The following SKAP2 variants were observed in gnomAD, a reference collection of about 807,000 sequenced individuals.
SKAP2 encodes src kinase associated phosphoprotein 2, also known as src kinase-associated phosphoprotein 2.
In SKAP2, 28 loss-of-function variants were observed where a neutral mutation model predicts 54.9. The observed-to-expected ratio is 0.51, with a 90% confidence interval of 0.38 to 0.70. The LOEUF is 0.70. Ranked by LOEUF, SKAP2 falls within the 30% of genes least tolerant of loss-of-function variation. The pLI is 0.00. For synonymous variants in SKAP2, 137 were observed against 134.3 expected (o/e 1.02, Z -0.14); for missense variants, 356 against 424.1 (o/e 0.84, Z 1.41).
chr7:26,812,869 G>T (rs537784364), intron 4 of SKAP2, among the ~76,000 whole-genome samples: 4 of 151,264 alleles, frequency 2.6e-5, no homozygotes, highest in Admixed American at 2.0e-4. Flanking sequence ...TTTTTTTCCG[G>T]TCCTGGTTTC....
In SKAP2 at chr7:26,762,714, T is replaced by C. The variant is rs190762260; in HGVS notation, c.308-22750A>G. Among the ~76,000 whole-genome samples the C allele has an allele frequency of 4.6e-3, 707 of 152,246 alleles. 4 individuals are homozygous for C. The highest frequency in any genetic ancestry group is 0.01 in the Admixed American group (156 of 15,282). On this transcript the variant is annotated intron_variant, in intron 4 of 12. Coordinates refer to ENST00000345317, the MANE Select transcript of SKAP2 (RefSeq NM_003930.5). Reference sequence around the variant, plus strand: ...AAAATTGATGCCCATAAACAGCTTATGTTTTTCAATACAACTAAAATAATT... The same window carrying C: ...AAAATTGATGCCCATAAACAGCTTACGTTTTTCAATACAACTAAAATAATT...
At chr7:26,741,841 T>G (rs1782462899) in intron 4 of SKAP2, among the ~76,000 whole-genome samples, 1 of 151,626 alleles carries the variant, frequency 6.6e-6, no homozygotes, top group African/African-American at 2.4e-5. Flanking sequence ...TTTAATACCA[T>G]GGGGATCACA....
chr7:26,685,088 TA>T (rs1786600973), intron 10 of SKAP2, among the ~76,000 whole-genome samples: 1 of 152,200 alleles, frequency 6.6e-6, no homozygotes, highest in Non-Finnish European at 1.5e-5. Flanking sequence ...GCCTTTCATC[TA>T]AAATCTGTAA....
chr7:26,689,516 A>C (rs1786732382), intron 10 of SKAP2, among the ~76,000 whole-genome samples: 4 of 152,138 alleles, frequency 2.6e-5, no homozygotes. Flanking sequence ...CTCATTCATA[A>C]TTAGTACTTG....
At chr7:26,807,892 G>A (rs1784062289) in intron 4 of SKAP2, among the ~76,000 whole-genome samples, 1 of 152,008 alleles carries the variant, frequency 6.6e-6, no homozygotes, top group African/African-American at 2.4e-5. Context: ...TAGCAATAAA[G>A]TATTTTTAAA....
intron 9 of SKAP2, among the ~76,000 whole-genome samples, chr7:26,701,230 A>G (rs1440583722): frequency 6.6e-6 from 1 of 152,168 alleles, no homozygotes; most frequent in Non-Finnish European, 1.5e-5. Context: ...TACCAATCTT[A>G]TTACTTGGAG....
intron 4 of SKAP2, among the ~76,000 whole-genome samples, chr7:26,765,869 T>C (rs1783040390): frequency 6.6e-6 from 1 of 152,194 alleles, no homozygotes; most frequent in South Asian, 2.1e-4. Flanking sequence ...TGGGTTACCA[T>C]AGCCTTGTAG....
chr7:26,811,470 A>G (rs1452515605), intron 4 of SKAP2, among the ~76,000 whole-genome samples: 1 of 152,158 alleles, frequency 6.6e-6, no homozygotes. Flanking sequence ...CTCTTTACCT[A>G]GTAGAAAAGC....
At chr7:26,745,926 T>C (rs1286501304) in intron 4 of SKAP2, among the ~76,000 whole-genome samples, 1 of 152,230 alleles carries the variant, frequency 6.6e-6, no homozygotes, top group East Asian at 1.9e-4. Context: ...ATGAAGGTGA[T>C]ACTCTCACCT....
chr7:26,843,896 G>T, intron 4 of SKAP2, 134 bp downstream of exon 4: 1 of 582,134 alleles, frequency 1.7e-6, no homozygotes, highest in Non-Finnish European at 3.1e-6. Context: ...GAGCTCTTCT[G>T]TTCCTTAAAA....
chr7:26,665,590 T>C (rs568448468), downstream of SKAP2, among the ~76,000 whole-genome samples: 2 of 152,278 alleles, frequency 1.3e-5, no homozygotes, highest in East Asian at 1.9e-4. Context: ...TATGTTTGTG[T>C]ATAAGTAATG....
chr7:26,817,011 T>A lies in SKAP2; in HGVS notation c.307+27019A>T, dbSNP rs1784278540. On this transcript the variant is annotated intron_variant, in intron 4 of 12. Coordinates refer to ENST00000345317, the MANE Select transcript of SKAP2 (RefSeq NM_003930.5). ...GGATATGCTTTACCTAAACCACACC[T>A]AACTCACTTTTCCTCATCAAACAAA... is the stretch of plus-strand genomic sequence containing the variant. 3.9e-5 allele frequency among the ~76,000 whole-genome samples: 6 copies of A among 152,212 alleles called. No individual in the cohort carries two copies. In the South Asian group the frequency reaches 1.2e-3, roughly 32 times the overall value.
chr7:26,812,901 T>G (rs1174964243), intron 4 of SKAP2, among the ~76,000 whole-genome samples: 1 of 151,920 alleles, frequency 6.6e-6, no homozygotes, highest in African/African-American at 2.4e-5. Flanking sequence ...AAACTCAAAC[T>G]GTCCTCCCCA....
intron 11 of SKAP2, among the ~76,000 whole-genome samples, chr7:26,678,154 T>TTA (rs1786397861): frequency 6.6e-6 from 1 of 152,154 alleles, no homozygotes; most frequent in Admixed American, 6.5e-5. Context: ...CTTCACAGGG[T>TTA]TATTATATTA....
chr7:26,688,009 A>G (rs182340128), intron 10 of SKAP2, among the ~76,000 whole-genome samples: 137 of 152,266 alleles, frequency 9.0e-4, no homozygotes, highest in Admixed American at 3.5e-3. Flanking sequence ...GAAAAAAATT[A>G]ATTAGCCAGC....
chr7:26,722,840 T>C (rs1315379532), intron 9 of SKAP2, among the ~76,000 whole-genome samples: 1 of 152,218 alleles, frequency 6.6e-6, no homozygotes, highest in Non-Finnish European at 1.5e-5. Flanking sequence ...AGCTTTGTGA[T>C]TTAAAGTAGC....
At chr7:26,849,629 G>T (rs574361558) in intron 3 of SKAP2, among the ~76,000 whole-genome samples, 1 of 148,572 alleles carries the variant, frequency 6.7e-6, no homozygotes, top group East Asian at 2.0e-4. Flanking sequence ...AGGTTGTAGT[G>T]AGCAGAGACC....
intron 9 of SKAP2, among the ~76,000 whole-genome samples, chr7:26,721,355 C>A (rs1412328884): frequency 6.6e-6 from 1 of 151,968 alleles, no homozygotes; most frequent in Non-Finnish European, 1.5e-5. Context: ...ATTAAAGTAC[C>A]CAAACACTGT....
chr7:26,704,721 G>A (rs1787120800), intron 9 of SKAP2, among the ~76,000 whole-genome samples: 1 of 152,168 alleles, frequency 6.6e-6, no homozygotes, highest in Non-Finnish European at 1.5e-5. Flanking sequence ...AACCTGCAGG[G>A]GGAAGAAGGG....
Sources: allele counts gnomAD v4.1 joint callset (sites outside exome capture counted in the v4.1 genomes callset), GRCh38; gene constraint gnomAD v4.1.1; transcripts MANE v1.5; gene names NCBI Gene and HGNC (gene_info 2026-07-23, HGNC 2026-07-21).